The following PBRM1 variants were observed in gnomAD, a reference collection of about 807,000 sequenced individuals.
PBRM1 encodes the protein protein polybromo-1.
A neutral mutation model predicts 194.5 loss-of-function variants in PBRM1; 27 were observed. That is an observed-to-expected ratio of 0.14 (90% CI 0.10 to 0.19). The LOEUF is 0.19. Among genes scored for constraint, PBRM1 ranks in the 10% least tolerant of loss-of-function variants. The pLI, the probability that PBRM1 is intolerant of heterozygous loss-of-function variation, is 1.00. For synonymous variants in PBRM1, 655 were observed against 693.2 expected (o/e 0.94, Z 0.87); for missense variants, 1,466 against 2,077.2 (o/e 0.71, Z 5.72).
chr3:52,556,127 C>A (rs1211831619), intron 26 of PBRM1, among the ~76,000 whole-genome samples: 2 of 152,166 alleles, frequency 1.3e-5, no homozygotes, highest in Non-Finnish European at 2.9e-5. Flanking sequence ...GAGAATTTTA[C>A]TCTTGGACTT....
chr3:52,679,552 C>G (rs2154065286), intron 1 of PBRM1, 22 bp downstream of exon 2: 1 of 1,605,024 alleles, frequency 6.2e-7, no homozygotes, highest in East Asian at 2.2e-5. Flanking sequence ...CAGGCAGAAA[C>G]CATGTAATCC....
chr3:52,548,280 G>A (rs2153315804), intron 29 of PBRM1, 45 bp from the exon 32 acceptor site: 1 of 1,485,176 alleles, frequency 6.7e-7, no homozygotes. Context: ...ATTTTAAGTT[G>A]GCAAAATTTC....
Position 52,665,581 on chromosome 3 carries a change from C to T in PBRM1, c.384+2917G>A, listed in dbSNP as rs142330144. On this transcript the variant is annotated intron_variant, in intron 3 of 29. Coordinates refer to ENST00000296302, the Ensembl canonical transcript of PBRM1. ...TGAGCAGCAGGCAAGACAGCATTAT[C>T]GCCTGAGCTCCTCCTGTCACATCAG... 3.3e-5 allele frequency among the ~76,000 whole-genome samples: 5 copies of T among 152,256 alleles called. No homozygotes were observed. The East Asian group carries it at 9.7e-4, about 29-fold the overall frequency.
intron 10 of PBRM1, among the ~76,000 whole-genome samples, chr3:52,638,990 G>C (rs1295683892): frequency 8.0e-6 from 1 of 125,542 alleles, no homozygotes; most frequent in East Asian, 2.8e-4. Context: ...TTTTTTTGGG[G>C]GGGGGGGGCG....
intron 21 of PBRM1, 156 bp downstream of exon 23, chr3:52,578,898 A>T: frequency 1.4e-6 from 1 of 736,394 alleles, no homozygotes; most frequent in Non-Finnish European, 2.4e-6. Flanking sequence ...GGATAATTTA[A>T]GGAAGAAAGT....
At chr3:52,560,978 G>A (rs926136039) in intron 25 of PBRM1, among the ~76,000 whole-genome samples, 11 of 151,986 alleles carry the variant, frequency 7.2e-5, no homozygotes, top group Admixed American at 6.6e-4. Context: ...CTGGCAAAAT[G>A]AACCAATATA....
At chr3:52,637,467 A>G (rs1253900499) in intron 10 of PBRM1, among the ~76,000 whole-genome samples, 1 of 152,024 alleles carries the variant, frequency 6.6e-6, no homozygotes, top group Admixed American at 6.6e-5. Context: ...CTCCATCTCT[A>G]TCACAAATAT....
intron 16 of PBRM1, among the ~76,000 whole-genome samples, chr3:52,608,686 T>C (rs1171070549): frequency 3.9e-5 from 6 of 152,008 alleles, no homozygotes; most frequent in African/African-American, 7.2e-5. Context: ...TAAAATACAC[T>C]GTAATTGCTG....
chr3:52,553,101 T>G (rs1292516490), intron 27 of PBRM1, among the ~76,000 whole-genome samples: 1 of 152,194 alleles, frequency 6.6e-6, no homozygotes, highest in Non-Finnish European at 1.5e-5. Context: ...ACCCTATCAC[T>G]GGTAGGTCCA....
chr3:52,556,228 T>C (rs2082200214), intron 26 of PBRM1, among the ~76,000 whole-genome samples: 2 of 152,244 alleles, frequency 1.3e-5, no homozygotes, highest in Non-Finnish European at 2.9e-5. Context: ...TTCACCCTGC[T>C]TCACTAGTCA....
intron 5 of PBRM1, 47 bp downstream of exon 6, chr3:52,658,152 T>C (rs745336698): frequency 2.2e-6 from 2 of 903,984 alleles, no homozygotes; most frequent in Non-Finnish European, 3.7e-6. Flanking sequence ...CTTGAAGTAC[T>C]AAAAACAAAA....
chr3:52,666,535 CAAA>C (rs373241275), intron 3 of PBRM1, among the ~76,000 whole-genome samples: 1 of 120,570 alleles, frequency 8.3e-6, no homozygotes, highest in Admixed American at 8.4e-5. Flanking sequence ...GACTCCATCT[CAAA>C]AAAAAAAAAG....
intron 3 of PBRM1, among the ~76,000 whole-genome samples, chr3:52,668,074 T>A (rs554834730): frequency 1.3e-5 from 2 of 152,184 alleles, no homozygotes; most frequent in African/African-American, 2.4e-5. Flanking sequence ...GGCAGGCAGA[T>A]TGCTTGAGCC....
chr3:52,623,231 T>C (rs973785732), intron 13 of PBRM1, among the ~76,000 whole-genome samples: 1 of 152,138 alleles, frequency 6.6e-6, no homozygotes, highest in Non-Finnish European at 1.5e-5. Context: ...GAGGCTACAA[T>C]GTGCCACCAT....
At chr3:52,645,993 A>C (rs1433153772) in intron 7 of PBRM1, among the ~76,000 whole-genome samples, 1 of 152,214 alleles carries the variant, frequency 6.6e-6, no homozygotes, top group Non-Finnish European at 1.5e-5. Context: ...TCTAAGATTA[A>C]AGATTATATA....
At chr3:52,648,430 T>C (rs1315030011) in exon 7 of PBRM1, 1 of 1,596,334 alleles carries the variant, frequency 6.3e-7, no homozygotes, top group African/African-American at 1.3e-5. Flanking sequence ...TGAATACTTT[T>C]GTAGCTTCCA....
intron 20 of PBRM1, among the ~76,000 whole-genome samples, chr3:52,585,111 G>A (rs1458245849): frequency 6.6e-6 from 1 of 152,128 alleles, no homozygotes; most frequent in East Asian, 1.9e-4. Context: ...TGTTCTCAAA[G>A]AAGTAATTTG....
intron 17 of PBRM1, among the ~76,000 whole-genome samples, chr3:52,602,580 G>C (rs1435152872): frequency 2.0e-4 from 30 of 152,092 alleles, no homozygotes; most frequent in Admixed American, 2.0e-3. Context: ...CTTTAACTTG[G>C]ATCGTCACCT....
At chr3:52,682,907 T>C (rs191553238), upstream of PBRM1, among the ~76,000 whole-genome samples, 58 of 151,554 alleles carry the variant, frequency 3.8e-4, no homozygotes, top group East Asian at 6.6e-3. Context: ...TAAAGAAAAA[T>C]ACAAAAATTT....
Sources: allele counts gnomAD v4.1 joint callset (sites outside exome capture counted in the v4.1 genomes callset), GRCh38; gene constraint gnomAD v4.1.1; transcripts MANE v1.5; gene names NCBI Gene and HGNC (gene_info 2026-07-23, HGNC 2026-07-21).